Variants in DNM3 observed in about 807,000 individuals in gnomAD.
The protein encoded by DNM3 is dynamin 3.
DNM3 carries 47 observed loss-of-function variants against 101.6 expected under a neutral mutation model. The observed-to-expected ratio is 0.46, with a 90% CI of 0.37 to 0.59. The LOEUF (loss-of-function observed/expected upper bound fraction) is 0.59, where lower values mean the gene tolerates loss of function less well. DNM3 is among the 20% of genes least tolerant of loss of function. The pLI is 0.00. For missense variants in DNM3, 849 were observed against 1,085.7 expected, an observed-to-expected ratio of 0.78 and a Z score of 3.06; for synonymous variants, 385 against 387.9, an observed-to-expected ratio of 0.99 and a Z score of 0.09.
chr1:172,333,077 G>A (rs1244147998), intron 17 of DNM3, among the ~76,000 whole-genome samples: 13 of 152,104 alleles, frequency 8.5e-5, no homozygotes, highest in Non-Finnish European at 1.9e-4. Context: ...ATAGACTGAA[G>A]AAGAACAGGA....
At chr1:172,201,053 A>G (rs1465962586) in intron 14 of DNM3, among the ~76,000 whole-genome samples, 1 of 151,936 alleles carries the variant, frequency 6.6e-6, no homozygotes, top group Non-Finnish European at 1.5e-5. Flanking sequence ...TCTTTTTTGG[A>G]TGCTTTCACC....
In DNM3 at chr1:172,043,983, A is replaced by C. The variant is rs532463850; in HGVS notation, c.1129-402A>C. On this transcript the variant is annotated intron_variant, in intron 8 of 20. Transcript: ENST00000627582. ...AAGTGGCCAGGGACAAAAGACAGCC[A>C]TTGTTAATTTCAGGACATCTGTACT... 1.2e-4 allele frequency among the ~76,000 whole-genome samples: 19 copies of C among 152,336 alleles called. No homozygotes were observed. In the South Asian group the frequency reaches 3.7e-3, roughly 30 times the overall value.
chr1:171,867,991 A>G (rs1295500341), intron 1 of DNM3, among the ~76,000 whole-genome samples: 1 of 152,230 alleles, frequency 6.6e-6, no homozygotes, highest in Non-Finnish European at 1.5e-5. Context: ...TGGGTTGTAG[A>G]AAGATTTTTA....
rs778559191 is a variant in DNM3, at chr1:171,841,681, C to T, written c.25C>T (p.Leu9=). The T allele has an allele frequency of 3.1e-6, 5 of 1,611,738 alleles. No homozygotes were observed. Among genetic ancestry groups the T allele is most frequent in the Non-Finnish European group, 4.2e-6 (5 of 1,179,238 alleles). ...GATGGGGAACCGGGAGATGGAGGAG[C>T]TGATCCCGCTGGTGAACCGTCTGCA... MGNREMEE[L]IPLVNRLQDA... Residue 9 remains leucine (L), a synonymous_variant, in exon 1 of 21, where the codon CTG becomes TTG. Coordinates refer to ENST00000627582, the MANE Select transcript of DNM3 (RefSeq NM_015569.5).
intron 17 of DNM3, among the ~76,000 whole-genome samples, chr1:172,364,990 T>C (rs2067933641): frequency 6.6e-6 from 1 of 151,866 alleles, no homozygotes; most frequent in South Asian, 2.1e-4. Context: ...TTAAACCTCT[T>C]TTCTTTATAA....
At chr1:172,011,547 G>T (rs545744411) in intron 4 of DNM3, among the ~76,000 whole-genome samples, 25 of 152,112 alleles carry the variant, frequency 1.6e-4, no homozygotes, top group Non-Finnish European at 1.6e-4. Flanking sequence ...CAAGCAGAAA[G>T]TGAGTAATGT....
intron 14 of DNM3, among the ~76,000 whole-genome samples, chr1:172,157,027 G>A (rs2058365118): frequency 1.3e-5 from 2 of 152,020 alleles, no homozygotes. Flanking sequence ...ATCAGGATGA[G>A]GTGGATGGTT....
chr1:172,225,998 C>T (rs1433770323), intron 14 of DNM3, among the ~76,000 whole-genome samples: 1 of 151,982 alleles, frequency 6.6e-6, no homozygotes, highest in Non-Finnish European at 1.5e-5. Context: ...ACACAGTGTA[C>T]TTTTGTATGA....
intron 17 of DNM3, among the ~76,000 whole-genome samples, chr1:172,337,871 ATTTT>A (rs2066505607): frequency 1.3e-5 from 1 of 75,302 alleles, no homozygotes; most frequent in African/African-American, 1.7e-4. Flanking sequence ...TTTTATTTTT[ATTTT>A]ATTTTATTTT....
chr1:172,241,712 A>G (rs2061754608), intron 14 of DNM3, among the ~76,000 whole-genome samples: 1 of 152,072 alleles, frequency 6.6e-6, no homozygotes, highest in African/African-American at 2.4e-5. Context: ...CCACTGTTCC[A>G]CTGTAGCCTC....
chr1:172,361,029 A>C (rs550519146), intron 17 of DNM3, among the ~76,000 whole-genome samples: 1 of 151,972 alleles, frequency 6.6e-6, no homozygotes, highest in Non-Finnish European at 1.5e-5. Flanking sequence ...TGACTTTTAC[A>C]ACAGAAGTCA....
chr1:172,211,638 G>A (rs574328413), intron 14 of DNM3, among the ~76,000 whole-genome samples: 4 of 152,052 alleles, frequency 2.6e-5, no homozygotes, highest in Admixed American at 6.6e-5. Flanking sequence ...GAAAGTTACC[G>A]GTCTGAATCT....
At chr1:171,942,891 T>G (rs1006037516) in intron 2 of DNM3, among the ~76,000 whole-genome samples, 1 of 152,076 alleles carries the variant, frequency 6.6e-6, no homozygotes, top group Non-Finnish European at 1.5e-5. Flanking sequence ...GCAGGAGGAC[T>G]GCTTGTGTTC....
chr1:171,850,058 G>T (rs1261191944), intron 1 of DNM3, among the ~76,000 whole-genome samples: 1 of 152,164 alleles, frequency 6.6e-6, no homozygotes, highest in Non-Finnish European at 1.5e-5. Context: ...GGCAAAGATG[G>T]TGTAGAAGGG....
intron 6 of DNM3, among the ~76,000 whole-genome samples, chr1:172,034,092 A>G (rs531259221): frequency 1.3e-5 from 2 of 152,310 alleles, no homozygotes; most frequent in South Asian, 4.1e-4. Context: ...GCTCCTGGAA[A>G]GTATCAATAG....
chr1:172,236,819 T>A lies in DNM3; in HGVS notation c.1660-16754T>A, dbSNP rs181742028. On this transcript the variant is annotated intron_variant, in intron 14 of 20. Transcript: ENST00000627582. ...ACATTAAAGAGGTCTGGTGTGAAAA[T>A]TGCCACTACCCTACTTCCTTGCTAT... Among the ~76,000 whole-genome samples the A allele has an allele frequency of 3.3e-5, 5 of 152,248 alleles. No individual in the cohort carries two copies. In the East Asian group the frequency reaches 9.6e-4, roughly 29 times the overall value.
chr1:172,286,201 T>G (rs1396657576), intron 15 of DNM3, among the ~76,000 whole-genome samples: 1 of 152,140 alleles, frequency 6.6e-6, no homozygotes, highest in Non-Finnish European at 1.5e-5. Flanking sequence ...CAATTTTTCC[T>G]GTCATGTGAA....
downstream of DNM3, among the ~76,000 whole-genome samples, chr1:172,415,779 C>G (rs1014352900): frequency 2.6e-5 from 4 of 152,076 alleles, no homozygotes; most frequent in Non-Finnish European, 5.9e-5. Context: ...ATCCGCCCAC[C>G]TCAGCTTCCC....
intron 14 of DNM3, among the ~76,000 whole-genome samples, chr1:172,205,345 G>A (rs1286827343): frequency 6.6e-6 from 1 of 151,906 alleles, no homozygotes; most frequent in Non-Finnish European, 1.5e-5. Flanking sequence ...CGTCTAAATG[G>A]ACTACCAGTT....
Sources: allele counts gnomAD v4.1 joint callset (sites outside exome capture counted in the v4.1 genomes callset), GRCh38; gene constraint gnomAD v4.1.1; transcripts MANE v1.5; gene names NCBI Gene and HGNC (gene_info 2026-07-23, HGNC 2026-07-21).